The following RAPH1 variants were observed in gnomAD, a reference collection of about 807,000 sequenced individuals.
RAPH1 encodes ras-associated and pleckstrin homology domains-containing protein 1.
In RAPH1, 18 loss-of-function variants were observed where a neutral mutation model predicts 88.1. The ratio of observed to expected loss-of-function variants is 0.20; its 90% CI spans 0.14 to 0.30. The LOEUF (loss-of-function observed/expected upper bound fraction) is 0.30, where lower values mean the gene tolerates loss of function less well. Among genes scored for constraint, RAPH1 ranks in the 10% least tolerant of loss-of-function variants. The pLI is 1.00. For synonymous variants in RAPH1, 587 were observed against 559.0 expected (o/e 1.05, Z -0.71); for missense variants, 1,448 against 1,543.2 (o/e 0.94, Z 1.03).
At chr2:203,527,552 A>C (rs1252296129) in intron 1 of RAPH1, among the ~76,000 whole-genome samples, 1 of 152,086 alleles carries the variant, frequency 6.6e-6, no homozygotes, top group Non-Finnish European at 1.5e-5. Context: ...TAACCCCAGC[A>C]CTTTGGGAGG....
chr2:203,444,673 T>C (rs1269489973), intron 13 of RAPH1, 195 bp downstream of exon 13: 9 of 449,212 alleles, frequency 2.0e-5, no homozygotes. Flanking sequence ...TGTAAAATAC[T>C]CATTTCCAAG....
intron 6 of RAPH1, among the ~76,000 whole-genome samples, chr2:203,460,591 T>G (rs1049586390): frequency 6.6e-6 from 1 of 152,128 alleles, no homozygotes; most frequent in Non-Finnish European, 1.5e-5. Context: ...GTTTAAAGAC[T>G]TCAGTACAAA....
At chr2:203,454,715 A>C (rs2098517817) in intron 9 of RAPH1, among the ~76,000 whole-genome samples, 175 bp from the exon 10 acceptor site, 1 of 152,234 alleles carries the variant, frequency 6.6e-6, no homozygotes, top group African/African-American at 2.4e-5. Context: ...TTTAATCATT[A>C]ACGTAACAAA....
At chr2:203,478,018 A>G (rs1371783046) in intron 4 of RAPH1, among the ~76,000 whole-genome samples, 1 of 151,476 alleles carries the variant, frequency 6.6e-6, no homozygotes, top group Non-Finnish European at 1.5e-5. Context: ...TCATTCTCAA[A>G]GTCATCAATA....
In RAPH1 at chr2:203,496,716, TTTTA is replaced by T. The variant is rs1199375254; in HGVS notation, c.1-1367_1-1364del. On this transcript the variant is annotated intron_variant, in intron 1 of 13. Transcript: ENST00000319170. ...AGTTACTGACTAAAATCTGATAAAA[TTTTA>T]TTTGTTAGAAAAACCAGCATATTCC... 2.6e-5 allele frequency among the ~76,000 whole-genome samples: 4 copies of T among 152,362 alleles called. No individual in the cohort carries two copies. The East Asian group carries it at 7.7e-4, about 29-fold the overall frequency.
intron 7 of RAPH1, 134 bp from the exon 8 acceptor site, chr2:203,457,729 T>C: frequency 1.4e-6 from 1 of 736,392 alleles, no homozygotes; most frequent in South Asian, 1.6e-5. Context: ...CTGATTTCTG[T>C]TGGTATAGAG....
Position 203,476,038 on chromosome 2 carries a change from A to C in RAPH1, c.732+13546T>G, listed in dbSNP as rs539537842. ...GGTGTTAGAAATCATCACAAAGGTAATTTAAAATTTTGTTAGCCACATTAA... is the reference window on the plus strand; with the variant it reads ...GGTGTTAGAAATCATCACAAAGGTACTTTAAAATTTTGTTAGCCACATTAA... On this transcript the variant is annotated intron_variant, in intron 4 of 13. Coordinates refer to ENST00000319170, the MANE Select transcript of RAPH1 (RefSeq NM_213589.3). Among the ~76,000 whole-genome samples, 132 of 152,344 alleles carry C rather than the reference A, an allele frequency of 8.7e-4. 3 individuals are homozygous for C. In the South Asian group the frequency reaches 0.027, roughly 31 times the overall value.
In RAPH1 at chr2:203,440,994, C is replaced by G. The variant is rs144371043; in HGVS notation, c.2196G>C (p.Pro732=). The G allele has an allele frequency of 1.5e-6, 2 of 1,301,854 alleles. No individual in the cohort carries two copies. Among genetic ancestry groups the G allele is most frequent in the Non-Finnish European group, 2.0e-6 (2 of 997,088 alleles). 80.6% of individuals were successfully genotyped at this position (1,301,854 alleles called of 1,614,324 possible). ...TGAACTGTGGAAGGGATGGGGCACA[C>G]GGTGCAGGCTTTAGCTGGGCCATGG... ...GSAMAQLKPA[P]CAPSLPQFSA... The change falls in exon 14 of 14, where the codon CCG becomes CCC. Residue 732 remains proline, a synonymous_variant. Coordinates refer to ENST00000319170, the MANE Select transcript of RAPH1 (RefSeq NM_213589.3).
intron 10 of RAPH1, among the ~76,000 whole-genome samples, chr2:203,449,057 C>T (rs948828117): frequency 3.3e-5 from 5 of 152,122 alleles, no homozygotes; most frequent in African/African-American, 1.2e-4. Context: ...ATCAAGATAT[C>T]CAAGTTAAAA....
At chr2:203,450,389 A>G (rs993399768) in intron 10 of RAPH1, among the ~76,000 whole-genome samples, 1 of 152,186 alleles carries the variant, frequency 6.6e-6, no homozygotes, top group Non-Finnish European at 1.5e-5. Context: ...ATAATACCTA[A>G]CAGTCTTCCC....
chr2:203,516,485 C>T (rs116666695), intron 1 of RAPH1, among the ~76,000 whole-genome samples: 2,376 of 152,338 alleles, frequency 0.016, 31 homozygotes, highest in Non-Finnish European at 0.026. Context: ...CGTGATGGCT[C>T]ACGCCTGTAA....
rs2098499233 is a variant in RAPH1, at chr2:203,437,223, A to T, written c.*2214T>A. On this transcript the variant is annotated 3_prime_UTR_variant, in exon 14 of 14. Coordinates refer to ENST00000319170, the MANE Select transcript of RAPH1 (RefSeq NM_213589.3). ...TAGGGCTCAAATCATGGGTGAAAAA[A>T]GGTTAGCGGGTACATTTTTTCCCCC... 1 of 152,224 alleles carries T rather than the reference A, an allele frequency of 6.6e-6. No individual in the cohort carries two copies. The highest frequency in any genetic ancestry group is 1.5e-5 in the Non-Finnish European group (1 of 68,036). The allele number at this position is 152,224 out of a possible 1,614,324, so 9.4% of individuals were successfully genotyped here.
intron 7 of RAPH1, among the ~76,000 whole-genome samples, chr2:203,459,317 T>C (rs1384162899): frequency 6.6e-6 from 1 of 152,248 alleles, no homozygotes; most frequent in Non-Finnish European, 1.5e-5. Context: ...CTATTTTTCT[T>C]CATTACTACT....
intron 4 of RAPH1, among the ~76,000 whole-genome samples, chr2:203,463,273 CTCA>C (rs1482813134): frequency 2.0e-5 from 3 of 152,008 alleles, no homozygotes; most frequent in East Asian, 3.9e-4. Flanking sequence ...AGAAAAAATC[CTCA>C]TCATATCAGC....
chr2:203,508,136 C>T (rs748533409), intron 1 of RAPH1, among the ~76,000 whole-genome samples: 4 of 147,094 alleles, frequency 2.7e-5, no homozygotes, highest in Non-Finnish European at 5.9e-5. Flanking sequence ...AGGAGAATGG[C>T]GTAAACCCGG....
At chr2:203,446,723 C>T (rs1292799436) in intron 12 of RAPH1, 1 of 152,100 alleles carries the variant, frequency 6.6e-6, no homozygotes, top group African/African-American at 2.4e-5. Context: ...ACTGGCTCCT[C>T]TGTGTATCCC....
chr2:203,459,037 T>G (rs1310217278), intron 7 of RAPH1, among the ~76,000 whole-genome samples: 4 of 151,534 alleles, frequency 2.6e-5, no homozygotes, highest in African/African-American at 9.7e-5. Flanking sequence ...GCTGGGCTAA[T>G]TTTTTGTATT....
At chr2:203,527,945 G>A (rs930091402) in intron 1 of RAPH1, among the ~76,000 whole-genome samples, 3 of 151,714 alleles carry the variant, frequency 2.0e-5, no homozygotes, top group African/African-American at 7.3e-5. Flanking sequence ...AGAAACTGAA[G>A]CAAGAACAGA....
At chr2:203,534,441 C>G (rs1581427323) in intron 1 of RAPH1, among the ~76,000 whole-genome samples, 1 of 150,544 alleles carries the variant, frequency 6.6e-6, no homozygotes, top group Non-Finnish European at 1.5e-5. Context: ...TTAAGAAAAC[C>G]ACATCTTTCA....
Sources: allele counts gnomAD v4.1 joint callset (sites outside exome capture counted in the v4.1 genomes callset), GRCh38; gene constraint gnomAD v4.1.1; transcripts MANE v1.5; gene names NCBI Gene and HGNC (gene_info 2026-07-23, HGNC 2026-07-21).